CKAP5: variants seen among roughly 807,000 people sequenced by gnomAD.
CKAP5 encodes cytoskeleton associated protein 5.
A neutral mutation model predicts 232.8 loss-of-function variants in CKAP5; 27 were observed. The ratio of observed to expected loss-of-function variants is 0.12; its 90% CI spans 0.09 to 0.16. The LOEUF is 0.16. Among genes scored for constraint, CKAP5 ranks in the 10% least tolerant of loss-of-function variants. The pLI is 1.00. For missense variants in CKAP5, 1,838 were observed against 2,424.7 expected (o/e 0.76, Z 5.08); for synonymous variants, 785 against 841.1 (o/e 0.93, Z 1.16).
chr11:46,767,747 A>T (rs558027261), intron 26 of CKAP5, 84 bp from the exon 27 acceptor site: 1 of 822,880 alleles, frequency 1.2e-6, no homozygotes, highest in African/African-American at 1.7e-5. Context: ...AATGATGACA[A>T]GGAAGCTTGC....
Position 46,762,101 on chromosome 11 carries a change from G to A in CKAP5, c.4120C>T (p.His1374Tyr). 2 of 1,614,150 alleles carry A rather than the reference G, an allele frequency of 1.2e-6. No homozygotes were observed. Among genetic ancestry groups the A allele is most frequent in the East Asian group, 2.2e-5 (1 of 44,884 alleles). The change falls in exon 32 of 44, where the codon CAC becomes TAC. Residue 1374 changes from histidine (H) to tyrosine (Y), a missense_variant. His to Tyr is a moderately conservative substitution (Grantham distance 83). Transcript: ENST00000529230. ...ACAGCATTGTCACGGTCTCCTATGT[G>A]AACAGCTATTTCCTTTAAGGCTTTT... ...PGKALKEIAV[H>Y]IGDRDNAVRN... is the part of the protein sequence containing the mutation.
chr11:46,762,331 G>A, intron 31 of CKAP5, 138 bp from the exon 32 acceptor site: 2 of 984,940 alleles, frequency 2.0e-6, no homozygotes, highest in Non-Finnish European at 3.2e-6. Flanking sequence ...TTTGTTTACT[G>A]CCTTTTATCA....
At chr11:46,845,008 T>C (rs1592497970) in intron 1 of CKAP5, among the ~76,000 whole-genome samples, 1 of 152,260 alleles carries the variant, frequency 6.6e-6, no homozygotes, top group African/African-American at 2.4e-5. Flanking sequence ...ATTTAACTTA[T>C]GGTTGCAAAA....
intron 1 of CKAP5, among the ~76,000 whole-genome samples, chr11:46,834,808 T>C (rs1356981740): frequency 6.6e-6 from 1 of 152,018 alleles, no homozygotes; most frequent in Non-Finnish European, 1.5e-5. Context: ...TGGATAGAGA[T>C]TTTTCTTTTC....
At chr11:46,782,567 T>C (rs139245948) in intron 18 of CKAP5, among the ~76,000 whole-genome samples, 334 of 152,314 alleles carry the variant, frequency 2.2e-3, no homozygotes, top group African/African-American at 7.7e-3. Context: ...TTGCAAAATG[T>C]AGCATGGCAC....
At chr11:46,778,712 C>A in intron 20 of CKAP5, 113 bp from the exon 21 acceptor site, 1 of 813,272 alleles carries the variant, frequency 1.2e-6, no homozygotes, top group Non-Finnish European at 2.0e-6. Context: ...CCTATTTACA[C>A]AGTAGGTAAT....
At position 46,790,587 on chromosome 11, in the gene CKAP5, A is replaced by G. The variant is rs757911412; in HGVS notation, c.1651-4T>C. 1.9e-6 allele frequency: 3 copies of G among 1,590,250 alleles called. No homozygotes were observed. Among genetic ancestry groups the G allele is most frequent in the South Asian group, 2.2e-5 (2 of 89,454 alleles). On this transcript the variant is annotated splice_region_variant and splice_polypyrimidine_tract_variant and intron_variant, in intron 13 of 43. Coordinates refer to ENST00000529230, the MANE Select transcript of CKAP5 (RefSeq NM_001008938.4). The stretch of plus-strand genomic sequence containing the variant: ...CCTTTTTTGGTGGCCCACCAGCCTA[A>G]AAACAATTTAAAAAATAAAAATTAA...
intron 24 of CKAP5, among the ~76,000 whole-genome samples, chr11:46,774,192 A>G (rs928225559): frequency 2.6e-5 from 4 of 152,226 alleles, no homozygotes; most frequent in African/African-American, 9.6e-5. Flanking sequence ...TACAAAATCA[A>G]TGTGCGAAAA....
rs192235980 is a variant in CKAP5 at position 46,842,267 on chromosome 11, C to T, written c.-38+3953G>A. On this transcript the variant is annotated intron_variant, in intron 1 of 43. Coordinates refer to ENST00000529230, the MANE Select transcript of CKAP5 (RefSeq NM_001008938.4). ...AAAGAACTATTGAAACCAGGGGGTA[C>T]AATGTGAAGGAATTGTTTCACTTTG... Among the ~76,000 whole-genome samples the T allele has an allele frequency of 2.8e-3, 420 of 152,202 alleles. 2 individuals carry two copies. The highest frequency in any genetic ancestry group is 9.6e-3 in the African/African-American group (398 of 41,532).
At chr11:46,798,658 A>G (rs1938953051) in intron 9 of CKAP5, among the ~76,000 whole-genome samples, 1 of 152,114 alleles carries the variant, frequency 6.6e-6, no homozygotes, top group Non-Finnish European at 1.5e-5. Flanking sequence ...TCCAGAGACA[A>G]AAAAGTAGAT....
intron 29 of CKAP5, 122 bp downstream of exon 29, chr11:46,763,359 G>C: frequency 2.0e-6 from 2 of 1,012,712 alleles, no homozygotes; most frequent in South Asian, 1.7e-5. Flanking sequence ...TAACAAGACA[G>C]CTCTAAAAAT....
chr11:46,765,599 C>CT (rs147227678), intron 27 of CKAP5, among the ~76,000 whole-genome samples: 27 of 74,588 alleles, frequency 3.6e-4, no homozygotes, highest in Middle Eastern at 7.7e-3. Flanking sequence ...TTAATGACAT[C>CT]TTTTTTTTTT....
At position 46,801,190 on chromosome 11, in the gene CKAP5, T is replaced by C. The variant is rs761833181; in HGVS notation, c.1083+10A>G. The C allele has an allele frequency of 9.4e-6, 15 of 1,589,676 alleles. No homozygotes were observed. The highest frequency in any genetic ancestry group is 1.3e-5 in the Non-Finnish European group (15 of 1,158,216). On this transcript the variant is annotated intron_variant, in intron 9 of 43. Coordinates refer to ENST00000529230, the MANE Select transcript of CKAP5 (RefSeq NM_001008938.4). Reference sequence around the variant, plus strand: ...TTGTTGATCTGTATCTAAAAAGGAGTGTTACTTACATGTCCTGCATATTGT... The same window carrying C: ...TTGTTGATCTGTATCTAAAAAGGAGCGTTACTTACATGTCCTGCATATTGT...
chr11:46,790,205 T>A lies in CKAP5; in HGVS notation c.1765-19A>T. ...CTTCTATCTGTAAGATACAAAAACA[T>A]ATTAGAATTAGGAATTGCTTAAGGG... On this transcript the variant is annotated intron_variant, in intron 14 of 43. Coordinates refer to ENST00000529230, the MANE Select transcript of CKAP5 (RefSeq NM_001008938.4). 1 of 1,520,878 alleles carries A rather than the reference T, an allele frequency of 6.6e-7. No individual in the cohort carries two copies. Among genetic ancestry groups the A allele is most frequent in the Non-Finnish European group, 9.1e-7 (1 of 1,102,490 alleles). The allele number at this position is 1,520,878 out of a possible 1,614,324, so 94.2% of individuals were successfully genotyped here.
intron 4 of CKAP5, among the ~76,000 whole-genome samples, chr11:46,811,633 C>T (rs574078154): frequency 2.6e-5 from 4 of 152,222 alleles, no homozygotes; most frequent in South Asian, 2.1e-4. Context: ...TGCGCCACCA[C>T]GCCCAGCAAA....
At chr11:46,744,344 A>C in intron 43 of CKAP5, 79 bp from the exon 44 acceptor site, 1 of 1,612,618 alleles carries the variant, frequency 6.2e-7, no homozygotes, top group Non-Finnish European at 8.5e-7. Flanking sequence ...AGCAAGACTA[A>C]GCCACTTCTC....
At chr11:46,844,664 CAG>C (rs1940137747) in intron 1 of CKAP5, among the ~76,000 whole-genome samples, 1 of 152,018 alleles carries the variant, frequency 6.6e-6, no homozygotes, top group Non-Finnish European at 1.5e-5. Flanking sequence ...TTTTTTGAGA[CAG>C]AGGGTCGCTC....
rs112027425 is a variant in CKAP5 at position 46,784,822 on chromosome 11, A to G, written c.1969-149T>C. The G allele has an allele frequency of 1.0e-3, 567 of 543,426 alleles. 3 individuals are homozygous for G. The highest frequency in any genetic ancestry group is 9.5e-3 in the African/African-American group (496 of 52,480). 33.7% of individuals were successfully genotyped at this position (543,426 alleles called of 1,614,324 possible). A position where few individuals can be genotyped will look rare whatever the true frequency, so the allele number is the denominator to read the frequency against. On this transcript the variant is annotated intron_variant, in intron 16 of 43. Coordinates refer to ENST00000529230, the MANE Select transcript of CKAP5 (RefSeq NM_001008938.4). ...ATCAGGATTTTAAACAAATATGCAA[A>G]ATAATTTGTATCCTTTAATTGTTAC...
intron 1 of CKAP5, chr11:46,826,785 G>T: frequency 6.5e-6 from 1 of 154,128 alleles, no homozygotes; most frequent in South Asian, 1.8e-4. Context: ...GGAGAGGTCA[G>T]GGAAGCTAAG....
Sources: allele counts gnomAD v4.1 joint callset (sites outside exome capture counted in the v4.1 genomes callset), GRCh38; gene constraint gnomAD v4.1.1; transcripts MANE v1.5; gene names NCBI Gene and HGNC (gene_info 2026-07-23, HGNC 2026-07-21).